DNM1: variants seen among roughly 807,000 people sequenced by gnomAD.
The protein encoded by DNM1 is dynamin-1.
DNM1 carries 29 observed loss-of-function variants against 104.6 expected under a neutral mutation model. That is an observed-to-expected ratio of 0.28 (90% CI 0.21 to 0.38). The LOEUF (loss-of-function observed/expected upper bound fraction) is 0.38. Ranked by LOEUF, DNM1 falls within the 10% of genes least tolerant of loss-of-function variation. The probability of loss-of-function intolerance (pLI) is 1.00; values close to 1 mark genes in which losing one functional copy is unlikely to be tolerated. For synonymous variants in DNM1, 445 were observed against 475.8 expected, an observed-to-expected ratio of 0.94 and a Z score of 0.84; for missense variants, 640 against 1,189.4, an observed-to-expected ratio of 0.54 and a Z score of 6.79.
intron 10 of DNM1, among the ~76,000 whole-genome samples, chr9:128,227,939 A>G (rs778808549): frequency 2.0e-5 from 3 of 151,516 alleles, no homozygotes; most frequent in Non-Finnish European, 4.4e-5. Context: ...GTAGGCTCAA[A>G]CTGGGCTCAA....
At chr9:128,233,869 G>A (rs147705822) in intron 10 of DNM1, 152 bp from the exon 11 acceptor site, 14 of 676,480 alleles carry the variant, frequency 2.1e-5, no homozygotes, top group Non-Finnish European at 3.1e-5. Flanking sequence ...TGCCATCAGC[G>A]TCCTGGGACC....
At chr9:128,210,380 G>T (rs201703159) in intron 1 of DNM1, among the ~76,000 whole-genome samples, 2 of 48,818 alleles carry the variant, frequency 4.1e-5, no homozygotes, top group African/African-American at 5.8e-5. Context: ...ATTATTATTA[G>T]AAACAGGGTC....
At chr9:128,239,687 C>T (rs747877372) in intron 12 of DNM1, 41 bp from the exon 13 acceptor site, 2 of 1,596,738 alleles carry the variant, frequency 1.3e-6, no homozygotes, top group Admixed American at 3.4e-5. Context: ...AGAGCTGGGC[C>T]TCTTGAGAAG....
At chr9:128,227,095 A>T (rs1354302153) in intron 10 of DNM1, among the ~76,000 whole-genome samples, 1 of 146,290 alleles carries the variant, frequency 6.8e-6, no homozygotes, top group Non-Finnish European at 1.5e-5. Flanking sequence ...GCTCACTGCA[A>T]CCTCTGCCTC....
chr9:128,240,472 C>T lies in DNM1; in HGVS notation c.1557+476C>T, dbSNP rs1452172902. ...CGTCAGAAGCGCTTGCTCAGTTGTA[C>T]ACATGAGCCCGAGGGTCCTCAGCTT... On this transcript the variant is annotated intron_variant, in intron 14 of 21. Coordinates refer to ENST00000372923, the MANE Select transcript of DNM1 (RefSeq NM_004408.4). This position sits in a 1 kb window ranked among gnomAD's most constrained non-coding sequence, Gnocchi z 5.1. 1.2e-5 allele frequency: 2 copies of T among 164,088 alleles called. No individual in the cohort carries two copies. Among genetic ancestry groups the T allele is most frequent in the Non-Finnish European group, 2.6e-5 (2 of 76,000 alleles). 10.2% of individuals were successfully genotyped at this position (164,088 alleles called of 1,614,324 possible).
At chr9:128,225,927 T>C in intron 10 of DNM1, 1 of 931,728 alleles carries the variant, frequency 1.1e-6, no homozygotes, top group Non-Finnish European at 1.7e-6. Flanking sequence ...CCCGTGCCCG[T>C]GCCATCCTCT....
intron 21 of DNM1, 86 bp downstream of exon 21, chr9:128,251,026 C>T (rs1829484904): frequency 2.2e-6 from 2 of 916,570 alleles, no homozygotes; most frequent in South Asian, 1.5e-5. Context: ...AGCATCGGAC[C>T]TGGCCGCCAG....
At chr9:128,212,887 C>T (rs1338684838) in intron 1 of DNM1, among the ~76,000 whole-genome samples, 1 of 152,132 alleles carries the variant, frequency 6.6e-6, no homozygotes, top group African/African-American at 2.4e-5. Flanking sequence ...AGGATATTTC[C>T]GTCACCCTAA....
chr9:128,204,170 GC>G (rs1462346483), intron 1 of DNM1: 2 of 152,558 alleles, frequency 1.3e-5, no homozygotes, highest in East Asian at 3.8e-4. Context: ...ACGGCCTCCC[GC>G]CAGCACACAC....
chr9:128,219,877 G>A lies in DNM1; in HGVS notation c.590-111G>A, dbSNP rs981165643. On this transcript the variant is annotated intron_variant, in intron 4 of 21. Transcript: ENST00000372923. ...AATGAATAAGGGGGAAAGAGAGGAGGCAGTGAGCAGGCAGGGGGCCGAGGA... is the reference window on the plus strand; with the variant it reads ...AATGAATAAGGGGGAAAGAGAGGAGACAGTGAGCAGGCAGGGGGCCGAGGA... 1.3e-5 allele frequency: 9 copies of A among 703,412 alleles called. No individual in the cohort carries two copies. In the African/African-American group the frequency reaches 1.4e-4, roughly 11 times the overall value. 43.6% of individuals were successfully genotyped at this position (703,412 alleles called of 1,614,324 possible). A position where few individuals can be genotyped will look rare whatever the true frequency, so the allele number is the denominator to read the frequency against.
At chr9:128,251,315 C>T (rs1829504419) in intron 21 of DNM1, 1 of 397,608 alleles carries the variant, frequency 2.5e-6, no homozygotes, top group African/African-American at 2.1e-5. Flanking sequence ...AATTCCTCTC[C>T]CAGCCCCTGG....
Position 128,254,273 on chromosome 9 carries a change from G to A in DNM1, c.2535-381G>A. Reference sequence around the variant, plus strand: ...TGGCTGTTGCATGGGGCTCCCCAAGGCAAGGGGTGGCCCCAGGCCAGTGGG... The same window carrying A: ...TGGCTGTTGCATGGGGCTCCCCAAGACAAGGGGTGGCCCCAGGCCAGTGGG... On this transcript the variant is annotated intron_variant, in intron 21 of 21. Transcript: ENST00000372923. This position sits in a 1 kb window ranked among gnomAD's most constrained non-coding sequence, Gnocchi z 6.1. 5 of 1,384,030 alleles carry A rather than the reference G, an allele frequency of 3.6e-6. No individual in the cohort carries two copies. Among genetic ancestry groups the A allele is most frequent in the Non-Finnish European group, 4.6e-6 (5 of 1,078,870 alleles). 85.7% of individuals were successfully genotyped at this position (1,384,030 alleles called of 1,614,324 possible). A position where few individuals can be genotyped will look rare whatever the true frequency, so the allele number is the denominator to read the frequency against.
intron 1 of DNM1, among the ~76,000 whole-genome samples, chr9:128,211,896 C>T (rs1468601973): frequency 6.6e-6 from 1 of 152,206 alleles, no homozygotes; most frequent in African/African-American, 2.4e-5. Context: ...AGGGCGGCTC[C>T]AACCATGGTT....
intron 1 of DNM1, among the ~76,000 whole-genome samples, chr9:128,207,789 G>T (rs1834055209): frequency 6.6e-6 from 1 of 152,174 alleles, no homozygotes; most frequent in Non-Finnish European, 1.5e-5. Flanking sequence ...TGGCATGGAG[G>T]ACGCGCTGCT....
rs749697762 is a variant in DNM1 at position 128,252,593 on chromosome 9, C to T, written c.2534+1653C>T. On this transcript the variant is annotated intron_variant, in intron 21 of 21. Transcript: ENST00000372923. ...GAAGAGCTCTGTGGGCAGGGTGGGGCGCAAGGTGGAGAACCTTCAAAGTCT... is the reference window on the plus strand; with the variant it reads ...GAAGAGCTCTGTGGGCAGGGTGGGGTGCAAGGTGGAGAACCTTCAAAGTCT... 102 of 391,104 alleles carry T rather than the reference C, an allele frequency of 2.6e-4. 1 individual carries two copies. Among genetic ancestry groups the T allele is most frequent in the Non-Finnish European group, 4.2e-4 (83 of 195,614 alleles). 24.2% of individuals were successfully genotyped at this position (391,104 alleles called of 1,614,324 possible).
At chr9:128,229,500 T>C (rs113279760) in intron 10 of DNM1, among the ~76,000 whole-genome samples, 38,830 of 150,206 alleles carry the variant, frequency 0.26, 5,525 homozygotes, top group African/African-American at 0.37. Flanking sequence ...AGGTGGCTGA[T>C]GTGGGAGGAC....
At chr9:128,249,304 G>A (rs940057405) in intron 19 of DNM1, among the ~76,000 whole-genome samples, 2 of 152,018 alleles carry the variant, frequency 1.3e-5, no homozygotes, top group African/African-American at 4.8e-5. Flanking sequence ...GAGCCCAGGA[G>A]TTCAAGACCA....
In DNM1 at chr9:128,222,278, G is replaced by T. The variant is rs2131172744; in HGVS notation, c.931G>T (p.Val311Leu). The T allele has an allele frequency of 6.2e-7, 1 of 1,614,196 alleles. No individual in the cohort carries two copies. The highest frequency in any genetic ancestry group is 1.1e-5 in the South Asian group (1 of 91,080). ...CCAGCTACTGTCCATTGAGAAGGAG[G>T]TGGAGGAATACAAGAACTTCCGCCC... ...QSQLLSIEKE[V>L]EEYKNFRPDD... Residue 311 changes from valine to leucine, a missense_variant, in exon 7 of 22, where the codon GTG becomes TTG. By Grantham distance (32) the Val-to-Leu change is conservative. Around this residue, in one of 7 missense-constraint regions of DNM1, gnomAD observed 81 missense variants for 99.8 expected, o/e 0.81. Coordinates refer to ENST00000372923, the MANE Select transcript of DNM1 (RefSeq NM_004408.4). The surrounding 1 kb of genome is among the most constrained non-coding windows in gnomAD (Gnocchi z 7.8).
rs56712140 is a variant in DNM1 at position 128,211,472 on chromosome 9, C to CTT, written c.162-6734_162-6733dup. Among the ~76,000 whole-genome samples the CTT allele has an allele frequency of 0.011, 854 of 78,100 alleles. 82 individuals are homozygous for CTT. The East Asian group carries it at 0.12, about 11-fold the overall frequency. The allele number at this position is 78,100 out of a possible 152,430, so 51.2% of individuals were successfully genotyped here. On this transcript the variant is annotated intron_variant, in intron 1 of 21. Coordinates refer to ENST00000372923, the MANE Select transcript of DNM1 (RefSeq NM_004408.4). ...ATGCTGTTCTCTCGCCTGGAAGCCT[C>CTT]TTTTTTTTTTTTTTTTTTTTTTTTT... is the stretch of plus-strand genomic sequence containing the variant.
Sources: allele counts gnomAD v4.1 joint callset (sites outside exome capture counted in the v4.1 genomes callset), GRCh38; gene constraint gnomAD v4.1.1; regional missense constraint gnomAD v4.1.1; non-coding constraint Gnocchi (gnomAD v3.1); transcripts MANE v1.5; gene names NCBI Gene and HGNC (gene_info 2026-07-23, HGNC 2026-07-21).